The following CPXM2 variants were observed in gnomAD, a reference collection of about 807,000 sequenced individuals.
CPXM2 encodes carboxypeptidase X, M14 family member 2, also known as inactive carboxypeptidase-like protein X2.
A neutral mutation model predicts 86.1 loss-of-function variants in CPXM2; 66 were observed. That is an observed-to-expected ratio of 0.77 (90% CI 0.63 to 0.94). The LOEUF is 0.94. Among genes scored for constraint, CPXM2 ranks in the 40% least tolerant of loss-of-function variants. The probability of loss-of-function intolerance (pLI) is 0.00; values close to 1 mark genes in which losing one functional copy is unlikely to be tolerated. For missense variants in CPXM2, 948 were observed against 1,026.3 expected, an observed-to-expected ratio of 0.92 and a Z score of 1.04; for synonymous variants, 388 against 400.2, an observed-to-expected ratio of 0.97 and a Z score of 0.36.
intron 2 of CPXM2, among the ~76,000 whole-genome samples, chr10:123,911,911 G>A (rs1945491408): frequency 6.6e-6 from 1 of 152,050 alleles, no homozygotes; most frequent in Non-Finnish European, 1.5e-5. Flanking sequence ...TTCGACTGAG[G>A]GGCATAAGGC....
At chr10:123,814,037 T>C (rs1847752447) in intron 4 of CPXM2, among the ~76,000 whole-genome samples, 1 of 152,210 alleles carries the variant, frequency 6.6e-6, no homozygotes, top group Non-Finnish European at 1.5e-5. Flanking sequence ...CCTGATCCAA[T>C]ACATTCTTTT....
At chr10:123,766,564 TC>T (rs1331486456) in intron 10 of CPXM2, among the ~76,000 whole-genome samples, 1 of 152,104 alleles carries the variant, frequency 6.6e-6, no homozygotes, top group Non-Finnish European at 1.5e-5. Flanking sequence ...CATTTTTCTT[TC>T]CAAAGAAACA....
In CPXM2 at chr10:123,909,247, C is replaced by T. The variant is rs554843405; in HGVS notation, n.175-28938G>A. Among the ~76,000 whole-genome samples, 98 of 152,320 alleles carry T rather than the reference C, an allele frequency of 6.4e-4. No homozygotes were observed. The South Asian group carries it at 0.02, about 31-fold the overall frequency. ...GGAAAGATCTCCAGAAAGTACACTA[C>T]CAGCCCACATCCCACCTGTAACAGG... On this transcript the variant is annotated intron_variant and non_coding_transcript_variant, in intron 2 of 19. Transcript: ENST00000368854.
chr10:123,854,838 C>T (rs1469680940), intron 3 of CPXM2, among the ~76,000 whole-genome samples: 23 of 151,886 alleles, frequency 1.5e-4, no homozygotes, highest in Admixed American at 1.4e-3. Flanking sequence ...TTCAAGGACA[C>T]AACATATGAA....
chr10:123,763,443 C>G (rs1846393578), intron 10 of CPXM2, among the ~76,000 whole-genome samples: 1 of 152,116 alleles, frequency 6.6e-6, no homozygotes, highest in Non-Finnish European at 1.5e-5. Flanking sequence ...CACTCGGAGG[C>G]ACCCACTGTA....
At chr10:123,854,708 C>T (rs532633171) in intron 3 of CPXM2, among the ~76,000 whole-genome samples, 34 of 151,440 alleles carry the variant, frequency 2.2e-4, no homozygotes, top group African/African-American at 7.8e-4. Context: ...CCTTCTCCAG[C>T]GATACCTCAT....
At chr10:123,777,020 G>T (rs1846808270) in intron 7 of CPXM2, 1 of 152,228 alleles carries the variant, frequency 6.6e-6, no homozygotes, top group South Asian at 2.1e-4. Context: ...CAATGGAAAA[G>T]AAATTCCAGA....
At chr10:123,758,278 A>C (rs898971010) in intron 11 of CPXM2, among the ~76,000 whole-genome samples, 2 of 152,164 alleles carry the variant, frequency 1.3e-5, no homozygotes, top group Non-Finnish European at 2.9e-5. Context: ...AGAAGTCTGA[A>C]ATCAAGGTGT....
chr10:123,854,365 T>TATATATA (rs1848664517), intron 3 of CPXM2, among the ~76,000 whole-genome samples: 2 of 77,938 alleles, frequency 2.6e-5, no homozygotes, highest in African/African-American at 1.4e-4. Flanking sequence ...TATAAAAATA[T>TATATATA]ATATATATAA....
intron 13 of CPXM2, among the ~76,000 whole-genome samples, chr10:123,753,250 G>T (rs1846122568): frequency 6.6e-6 from 1 of 152,200 alleles, no homozygotes; most frequent in Non-Finnish European, 1.5e-5. Context: ...GTTTGCCTAG[G>T]ACAGAGGTGG....
chr10:123,880,174 A>G, intron 2 of CPXM2, 37 bp downstream of exon 2: 1 of 409,566 alleles, frequency 2.4e-6, no homozygotes, highest in Non-Finnish European at 4.8e-6. Flanking sequence ...AACAGGGCCT[A>G]GGACTGGTGT....
intron 2 of CPXM2, among the ~76,000 whole-genome samples, chr10:123,864,510 TGC>T (rs1471387018): frequency 2.6e-5 from 4 of 152,218 alleles, no homozygotes; most frequent in Admixed American, 2.0e-4. Flanking sequence ...CAAAAGGATC[TGC>T]TGCCATCTTA....
chr10:123,804,388 T>C (rs563823250), intron 4 of CPXM2, among the ~76,000 whole-genome samples: 6 of 152,354 alleles, frequency 3.9e-5, no homozygotes, highest in Admixed American at 6.5e-5. Context: ...AAACATGGTA[T>C]ATGATCCTCT....
intron 13 of CPXM2, chr10:123,751,924 T>C (rs1846087227): frequency 1.2e-5 from 12 of 985,404 alleles, no homozygotes; most frequent in Non-Finnish European, 1.4e-5. Flanking sequence ...TCTCATTGAT[T>C]GCAGGGGCTT....
chr10:123,793,824 A>C (rs1295503678), intron 6 of CPXM2, among the ~76,000 whole-genome samples: 2 of 152,192 alleles, frequency 1.3e-5, no homozygotes, highest in East Asian at 3.9e-4. Context: ...TACAGGCCCG[A>C]CTTTGCAAGC....
chr10:123,748,588 C>T, intron 13 of CPXM2, among the ~76,000 whole-genome samples: 1 of 152,074 alleles, frequency 6.6e-6, no homozygotes, highest in East Asian at 1.9e-4. Context: ...GAATGGAAAA[C>T]AGGACTCCAT....
chr10:123,835,401 T>G (rs925169297), intron 4 of CPXM2, among the ~76,000 whole-genome samples: 1 of 152,226 alleles, frequency 6.6e-6, no homozygotes, highest in Non-Finnish European at 1.5e-5. Flanking sequence ...AACGAGCCCC[T>G]TGTGAAAGCT....
At chr10:123,757,131 T>C in intron 12 of CPXM2, 82 bp downstream of exon 12, 4 of 1,321,316 alleles carry the variant, frequency 3.0e-6, no homozygotes, top group East Asian at 2.3e-5. Flanking sequence ...GAAGCTCTAA[T>C]TCCATCCCAT....
chr10:123,795,657 C>A (rs916810967), intron 6 of CPXM2, among the ~76,000 whole-genome samples: 1 of 151,828 alleles, frequency 6.6e-6, no homozygotes, highest in Non-Finnish European at 1.5e-5. Context: ...AGGCAGCATG[C>A]GTGAACAGCC....
Sources: allele counts gnomAD v4.1 joint callset (sites outside exome capture counted in the v4.1 genomes callset), GRCh38; gene constraint gnomAD v4.1.1; transcripts MANE v1.5; gene names NCBI Gene and HGNC (gene_info 2026-07-23, HGNC 2026-07-21).